The following ACTR3 variants were observed in gnomAD, a reference collection of about 807,000 sequenced individuals.
The protein encoded by ACTR3 is actin related protein 3.
In ACTR3, 12 loss-of-function variants were observed where a neutral mutation model predicts 56.8. That is an observed-to-expected ratio of 0.21 (90% CI 0.14 to 0.34). ACTR3 has a LOEUF of 0.34. Ranked by LOEUF, ACTR3 falls within the 10% of genes least tolerant of loss-of-function variation. ACTR3 has a pLI of 1.00. For missense variants in ACTR3, 282 were observed against 512.5 expected (o/e 0.55, Z 4.34); for synonymous variants, 162 against 167.4 (o/e 0.97, Z 0.25).
intron 3 of ACTR3, among the ~76,000 whole-genome samples, chr2:113,921,034 G>A (rs973270018): frequency 3.3e-5 from 5 of 152,046 alleles, no homozygotes; most frequent in Admixed American, 2.0e-4. Flanking sequence ...GTTTTTTGAG[G>A]AGCCTCTGTA....
Position 113,897,210 on chromosome 2 carries a change from AT to A in ACTR3, c.44+6889del, listed in dbSNP as rs3838539. On this transcript the variant is annotated intron_variant, in intron 1 of 11. Transcript: ENST00000263238. ...ATTAGATAGGAGATAAGGTGATGTT[AT>A]TGGATTGTTTTAAATTTAGTTCTTT... Among the ~76,000 whole-genome samples the A allele has an allele frequency of 2.4e-4, 37 of 152,278 alleles. No homozygotes were observed. In the East Asian group the frequency reaches 6.8e-3, roughly 28 times the overall value.
chr2:113,901,294 G>A (rs1679094916), intron 1 of ACTR3, among the ~76,000 whole-genome samples: 1 of 152,250 alleles, frequency 6.6e-6, no homozygotes, highest in East Asian at 1.9e-4. Context: ...GGAGGCAGAG[G>A]TTGTGGTGGG....
intron 4 of ACTR3, among the ~76,000 whole-genome samples, chr2:113,929,885 G>T (rs1485665748): frequency 6.6e-6 from 1 of 151,740 alleles, no homozygotes; most frequent in African/African-American, 2.4e-5. Context: ...TGCCATGTTG[G>T]CCAGGCTGGT....
At chr2:113,893,908 C>A (rs1678955461) in intron 1 of ACTR3, among the ~76,000 whole-genome samples, 1 of 152,056 alleles carries the variant, frequency 6.6e-6, no homozygotes, top group South Asian at 2.1e-4. Context: ...GCTTAAATAT[C>A]TTGTAGGTGT....
At chr2:113,933,677 A>ATTTTTTTT (rs1167918809) in intron 5 of ACTR3, among the ~76,000 whole-genome samples, 8 of 123,850 alleles carry the variant, frequency 6.5e-5, no homozygotes, top group Admixed American at 8.1e-5. Context: ...GTTCTATACA[A>ATTTTTTTT]TTTTTTTTTT....
intron 1 of ACTR3, among the ~76,000 whole-genome samples, chr2:113,907,568 T>TG (rs1679218546): frequency 6.6e-6 from 1 of 152,204 alleles, no homozygotes; most frequent in African/African-American, 2.4e-5. Flanking sequence ...ATGACCTTTT[T>TG]GAATATCCAG....
intron 1 of ACTR3, among the ~76,000 whole-genome samples, chr2:113,899,602 A>T (rs977376801): frequency 6.6e-6 from 1 of 152,216 alleles, no homozygotes; most frequent in Non-Finnish European, 1.5e-5. Flanking sequence ...AGGATGATTT[A>T]TGAAGAAGCT....
intron 10 of ACTR3, 68 bp downstream of exon 10, chr2:113,951,913 C>A: frequency 6.3e-7 from 1 of 1,584,248 alleles, no homozygotes; most frequent in Non-Finnish European, 8.6e-7. Flanking sequence ...GAAATATTTG[C>A]CAGCATTCAC....
intron 1 of ACTR3, among the ~76,000 whole-genome samples, chr2:113,895,059 T>TCCCCCCCCCCCCCCCCCCC (rs61667793): frequency 3.6e-5 from 4 of 111,364 alleles, no homozygotes; most frequent in South Asian, 3.6e-4. Context: ...TGGTTTAGGT[T>TCCCCCCCCCCCCCCCCCCC]CCCCCCCCCC....
intron 3 of ACTR3, among the ~76,000 whole-genome samples, chr2:113,923,372 C>G (rs1160942986): frequency 6.6e-6 from 1 of 152,070 alleles, no homozygotes; most frequent in Non-Finnish European, 1.5e-5. Flanking sequence ...GAGCCTGGCT[C>G]TGTCGCCCAG....
intron 4 of ACTR3, among the ~76,000 whole-genome samples, chr2:113,929,750 C>T (rs1029794151): frequency 3.9e-5 from 6 of 152,024 alleles, no homozygotes; most frequent in Non-Finnish European, 8.8e-5. Flanking sequence ...GATCTTGGCT[C>T]ACTGAAACCT....
At chr2:113,912,675 A>G (rs532900576) in intron 1 of ACTR3, among the ~76,000 whole-genome samples, 81 of 151,820 alleles carry the variant, frequency 5.3e-4, no homozygotes, top group African/African-American at 1.8e-3. Context: ...ATATGTTTTT[A>G]CTCCTCCCCA....
intron 1 of ACTR3, among the ~76,000 whole-genome samples, chr2:113,901,484 T>C (rs1408589854): frequency 6.6e-6 from 1 of 152,224 alleles, no homozygotes; most frequent in Non-Finnish European, 1.5e-5. Flanking sequence ...TAAACTCTGT[T>C]TTCATTTGGG....
intron 8 of ACTR3, among the ~76,000 whole-genome samples, chr2:113,947,537 C>A (rs1296443993): frequency 6.6e-6 from 1 of 152,152 alleles, no homozygotes; most frequent in African/African-American, 2.4e-5. Flanking sequence ...GCCTGTAGTT[C>A]CAGCTACTTG....
chr2:113,960,507 A>G lies in ACTR3; in HGVS notation c.*3052A>G, dbSNP rs1680306994. On this transcript the variant is annotated 3_prime_UTR_variant, in exon 12 of 12. Transcript: ENST00000263238. Reference sequence around the variant, plus strand: ...GAAAAGTACTAGAGAATATATCTATAGAAACTTCTTTCAGATAACCCTAAA... The same window carrying G: ...GAAAAGTACTAGAGAATATATCTATGGAAACTTCTTTCAGATAACCCTAAA... 6.6e-6 allele frequency: 1 copy of G among 152,064 alleles called. No homozygotes were observed. 9.4% of individuals were successfully genotyped at this position (152,064 alleles called of 1,614,324 possible). A position where few individuals can be genotyped will look rare whatever the true frequency, so the allele number is the denominator to read the frequency against.
At chr2:113,940,163 C>T (rs985405288) in intron 7 of ACTR3, 61 bp downstream of exon 7, 23 of 1,449,150 alleles carry the variant, frequency 1.6e-5, no homozygotes, top group African/African-American at 2.9e-5. Context: ...ATAACATTAA[C>T]GTGAGAAATT....
At chr2:113,924,628 C>T (rs1679582247) in intron 3 of ACTR3, among the ~76,000 whole-genome samples, 1 of 152,152 alleles carries the variant, frequency 6.6e-6, no homozygotes, top group Non-Finnish European at 1.5e-5. Context: ...TGATCTAGAA[C>T]TGGTATATCT....
At chr2:113,952,075 G>T (rs1680130082) in intron 10 of ACTR3, 2 of 489,612 alleles carry the variant, frequency 4.1e-6, no homozygotes, top group Non-Finnish European at 6.8e-6. Context: ...CCTGTGGAAA[G>T]ACTTTTTTTT....
At chr2:113,914,614 C>CAAAAAAAAAAAA (rs55784117) in intron 2 of ACTR3, among the ~76,000 whole-genome samples, 2 of 69,222 alleles carry the variant, frequency 2.9e-5, no homozygotes, top group Admixed American at 1.5e-4. Flanking sequence ...GACTCAGTCT[C>CAAAAAAAAAAAA]AAAAAAAAAA....
Sources: allele counts gnomAD v4.1 joint callset (sites outside exome capture counted in the v4.1 genomes callset), GRCh38; gene constraint gnomAD v4.1.1; transcripts MANE v1.5; gene names NCBI Gene and HGNC (gene_info 2026-07-23, HGNC 2026-07-21).